The following GPR139 variants were observed in gnomAD, a reference collection of about 807,000 sequenced individuals.
The protein encoded by GPR139 is probable G protein-coupled receptor 139.
Under a neutral mutation model 25.8 loss-of-function variants are expected in GPR139, and 12 were observed. The ratio of observed to expected loss-of-function variants is 0.47; its 90% CI spans 0.30 to 0.75. The LOEUF (loss-of-function observed/expected upper bound fraction) is 0.75. GPR139 is among the 30% of genes least tolerant of loss of function. The probability of loss-of-function intolerance (pLI) is 0.07; values close to 1 mark genes in which losing one functional copy is unlikely to be tolerated. For synonymous variants in GPR139, 184 were observed against 179.9 expected (o/e 1.02, Z -0.18); for missense variants, 380 against 450.2 (o/e 0.84, Z 1.41).
At chr16:20,047,649 T>C (rs1006281631) in intron 1 of GPR139, among the ~76,000 whole-genome samples, 2 of 152,224 alleles carry the variant, frequency 1.3e-5, no homozygotes, top group African/African-American at 2.4e-5. Flanking sequence ...CAGGGTTCCA[T>C]GGCAGCAGGT....
At position 20,056,142 on chromosome 16, in the gene GPR139, T is replaced by C. The variant is rs1596469396; in HGVS notation, c.127+17348A>G. 2.0e-5 allele frequency among the ~76,000 whole-genome samples: 3 copies of C among 152,338 alleles called. No homozygotes were observed. In the South Asian group the frequency reaches 6.2e-4, roughly 32 times the overall value. On this transcript the variant is annotated intron_variant, in intron 1 of 1. Transcript: ENST00000570682. ...ATGAATGCAGTATTTGGCTACTGAC[T>C]TGGGGCTATGCCATCATGCTGTCAA...
chr16:20,054,980 A>T (rs2057384079), intron 1 of GPR139, among the ~76,000 whole-genome samples: 1 of 152,136 alleles, frequency 6.6e-6, no homozygotes, highest in South Asian at 2.1e-4. Flanking sequence ...CACCCACCTC[A>T]GCTTCCCAAA....
At chr16:20,040,212 C>A (rs1396042465) in intron 1 of GPR139, among the ~76,000 whole-genome samples, 1 of 152,126 alleles carries the variant, frequency 6.6e-6, no homozygotes, top group East Asian at 1.9e-4. Flanking sequence ...CATGAGAGAC[C>A]AGAAGCAAGA....
At chr16:20,057,317 A>G (rs1020478452) in intron 1 of GPR139, among the ~76,000 whole-genome samples, 2 of 152,200 alleles carry the variant, frequency 1.3e-5, no homozygotes, top group African/African-American at 4.8e-5. Flanking sequence ...GCACTGCTGT[A>G]AAGATTAAAT....
intron 1 of GPR139, among the ~76,000 whole-genome samples, chr16:20,071,864 T>TAGTG (rs934133613): frequency 6.6e-6 from 1 of 152,050 alleles, no homozygotes. Flanking sequence ...AAGCCTGGGA[T>TAGTG]AGTGAGTGAG....
chr16:20,054,229 C>T (rs1021337299), intron 1 of GPR139, among the ~76,000 whole-genome samples: 5 of 152,116 alleles, frequency 3.3e-5, no homozygotes, highest in Admixed American at 1.3e-4. Flanking sequence ...CAAAGTCATT[C>T]TGTTTGTGCT....
intron 1 of GPR139, among the ~76,000 whole-genome samples, chr16:20,038,369 G>A (rs62034672): frequency 0.099 from 13,215 of 133,140 alleles, 837 homozygotes; most frequent in East Asian, 0.21. Context: ...GTGTGTGTGT[G>A]TATTCTATAG....
chr16:20,033,800 A>C, intron 1 of GPR139, among the ~76,000 whole-genome samples: 1 of 152,098 alleles, frequency 6.6e-6, no homozygotes, highest in East Asian at 1.9e-4. Flanking sequence ...GTTAATAAAT[A>C]ATCTATGCTT....
chr16:20,063,106 C>T (rs907542101), intron 1 of GPR139, among the ~76,000 whole-genome samples: 1 of 152,150 alleles, frequency 6.6e-6, no homozygotes, highest in Admixed American at 6.5e-5. Context: ...AATTCAGTTC[C>T]ACAGTTGCAC....
intron 1 of GPR139, among the ~76,000 whole-genome samples, chr16:20,045,636 A>G (rs2057351772): frequency 6.6e-6 from 1 of 152,144 alleles, no homozygotes; most frequent in Admixed American, 6.5e-5. Context: ...AGAAGGATCA[A>G]TTTCAGAGCA....
intron 1 of GPR139, among the ~76,000 whole-genome samples, chr16:20,061,405 G>A (rs1477366952): frequency 6.6e-6 from 1 of 152,044 alleles, no homozygotes; most frequent in African/African-American, 2.4e-5. Context: ...ATGGATAGAT[G>A]AATGGATGGG....
At chr16:20,059,199 C>G (rs2057401940) in intron 1 of GPR139, among the ~76,000 whole-genome samples, 1 of 152,178 alleles carries the variant, frequency 6.6e-6, no homozygotes, top group Admixed American at 6.5e-5. Context: ...CTACCATTTA[C>G]TCTTTTCATA....
intron 1 of GPR139, among the ~76,000 whole-genome samples, chr16:20,061,227 G>GTGTGGATGGATGGATGGA: frequency 1.3e-5 from 1 of 77,852 alleles, no homozygotes; most frequent in African/African-American, 3.5e-5. Context: ...GGATGGATGT[G>GTGTGGATGGATGGATGGA]TGGATGGATG....
chr16:20,033,063 G>A (rs755453231), intron 1 of GPR139, among the ~76,000 whole-genome samples: 4 of 152,002 alleles, frequency 2.6e-5, no homozygotes, highest in African/African-American at 9.7e-5. Context: ...CGTGAGAGGC[G>A]ATGCTGCCAT....
intron 1 of GPR139, among the ~76,000 whole-genome samples, chr16:20,061,119 C>CT (rs1301867159): frequency 6.6e-6 from 1 of 151,684 alleles, no homozygotes; most frequent in Non-Finnish European, 1.5e-5. Flanking sequence ...AAAAATGGGT[C>CT]TTTTTTGGTT....
intron 1 of GPR139, among the ~76,000 whole-genome samples, chr16:20,070,689 T>A (rs2057456556): frequency 6.6e-6 from 1 of 152,208 alleles, no homozygotes; most frequent in African/African-American, 2.4e-5. Context: ...CAACAACTAC[T>A]GCGAGAATTT....
At chr16:20,048,420 GCTGAGAA>G (rs1381146838) in intron 1 of GPR139, among the ~76,000 whole-genome samples, 2 of 152,308 alleles carry the variant, frequency 1.3e-5, no homozygotes, top group East Asian at 3.9e-4. Flanking sequence ...GGCTCAAGGT[GCTGAGAA>G]CTTGCTAAAT....
intron 1 of GPR139, among the ~76,000 whole-genome samples, chr16:20,038,214 A>G (rs2057317203): frequency 6.6e-6 from 1 of 151,780 alleles, no homozygotes; most frequent in Non-Finnish European, 1.5e-5. Flanking sequence ...TCCCTTTCAC[A>G]TCCCTGCTTC....
chr16:20,054,934 G>T (rs1005038401), intron 1 of GPR139, among the ~76,000 whole-genome samples: 4 of 152,110 alleles, frequency 2.6e-5, no homozygotes, highest in Non-Finnish European at 5.9e-5. Flanking sequence ...TGCCATGTTG[G>T]CTAGGCTGGT....
Sources: gnomAD v4.1 joint callset for allele counts (sites outside exome capture counted in the v4.1 genomes callset) on GRCh38, gnomAD v4.1.1 for gene constraint, MANE v1.5 for transcripts, NCBI Gene and HGNC (gene_info 2026-07-23, HGNC 2026-07-21) for gene names.